The following USH2A variants were observed in gnomAD, a reference collection of about 807,000 sequenced individuals.
The protein encoded by USH2A is Usher syndrome 2A (autosomal recessive, mild).
In USH2A, 443 loss-of-function variants were observed where a neutral mutation model predicts 538.9. The ratio of observed to expected loss-of-function variants is 0.82; its 90% CI spans 0.76 to 0.89. The LOEUF (loss-of-function observed/expected upper bound fraction) is 0.89. Ranked by LOEUF, USH2A falls within the 40% of genes least tolerant of loss-of-function variation. The pLI is 0.00. For missense variants in USH2A, 6,633 were observed against 6,324.8 expected, an observed-to-expected ratio of 1.05 and a Z score of -1.65; for synonymous variants, 2,413 against 2,273.5, an observed-to-expected ratio of 1.06 and a Z score of -1.75.
intron 35 of USH2A, among the ~76,000 whole-genome samples, chr1:215,988,490 A>G (rs963543047): frequency 3.1e-4 from 47 of 152,192 alleles, no homozygotes; most frequent in African/African-American, 1.1e-3. Context: ...GCTGCAATGC[A>G]TCTTGTTTCC....
intron 21 of USH2A, among the ~76,000 whole-genome samples, chr1:216,110,149 T>A (rs2032832513): frequency 1.3e-5 from 2 of 152,056 alleles, no homozygotes; most frequent in African/African-American, 4.8e-5. Context: ...GAAAAGTCAA[T>A]CAAGTATCAT....
chr1:215,643,409 C>A (rs1447927262), intron 67 of USH2A, among the ~76,000 whole-genome samples: 1 of 152,074 alleles, frequency 6.6e-6, no homozygotes, highest in Non-Finnish European at 1.5e-5. Flanking sequence ...ATAGTCATTT[C>A]TTGTATTTTT....
chr1:216,161,424 C>T (rs1249245467), intron 21 of USH2A, among the ~76,000 whole-genome samples: 1 of 151,992 alleles, frequency 6.6e-6, no homozygotes, highest in African/African-American at 2.4e-5. Context: ...ATTATTAATT[C>T]TTCAACTTCC....
intron 40 of USH2A, among the ~76,000 whole-genome samples, chr1:215,894,753 C>G (rs2102465203): frequency 6.6e-6 from 1 of 152,240 alleles, no homozygotes; most frequent in East Asian, 1.9e-4. Context: ...TTACATTCAC[C>G]TCTTGTCCCC....
chr1:215,874,173 G>A (rs1664695424), intron 43 of USH2A, among the ~76,000 whole-genome samples: 1 of 152,140 alleles, frequency 6.6e-6, no homozygotes, highest in East Asian at 1.9e-4. Flanking sequence ...ATAACAGCAC[G>A]TTCGCCAGAT....
chr1:215,630,347 C>G, intron 70 of USH2A: 1 of 446,146 alleles, frequency 2.2e-6, no homozygotes, highest in South Asian at 1.6e-5. Context: ...TTATCATACC[C>G]ATATTTAATA....
At chr1:215,967,914 A>G (rs1667394199) in intron 36 of USH2A, among the ~76,000 whole-genome samples, 1 of 152,172 alleles carries the variant, frequency 6.6e-6, no homozygotes, top group Admixed American at 6.6e-5. Flanking sequence ...TCCCTGGAGA[A>G]TCGATCCAAT....
chr1:215,932,653 A>G (rs568972670), intron 38 of USH2A, among the ~76,000 whole-genome samples: 1 of 152,054 alleles, frequency 6.6e-6, no homozygotes, highest in Non-Finnish European at 1.5e-5. Flanking sequence ...GTCTTTGAAG[A>G]CATTTGCTTC....
At chr1:216,415,087 A>C (rs531957493) in intron 3 of USH2A, among the ~76,000 whole-genome samples, 12 of 152,236 alleles carry the variant, frequency 7.9e-5, no homozygotes, top group African/African-American at 2.9e-4. Context: ...GCATGGGAGA[A>C]GAGAAAAAAA....
intron 61 of USH2A, among the ~76,000 whole-genome samples, chr1:215,725,198 C>T (rs1413287707): frequency 6.6e-6 from 1 of 152,136 alleles, no homozygotes. Flanking sequence ...TTAGTACAGA[C>T]AAGGTTTCAC....
At chr1:215,769,921 G>T (rs1324730645) in intron 55 of USH2A, among the ~76,000 whole-genome samples, 2 of 152,154 alleles carry the variant, frequency 1.3e-5, no homozygotes, top group Non-Finnish European at 2.9e-5. Flanking sequence ...TAATTCATTG[G>T]CACTTTATCC....
chr1:216,039,787 A>G (rs775164256), intron 32 of USH2A, among the ~76,000 whole-genome samples: 2 of 151,906 alleles, frequency 1.3e-5, no homozygotes, highest in Non-Finnish European at 2.9e-5. Flanking sequence ...TAAGCAATAC[A>G]GCTTCTTCGT....
At chr1:215,786,227 A>G (rs1264824532) in intron 52 of USH2A, among the ~76,000 whole-genome samples, 2 of 152,188 alleles carry the variant, frequency 1.3e-5, no homozygotes, top group South Asian at 2.1e-4. Context: ...GAGAAATGTC[A>G]TGCTTGGGTT....
At chr1:215,761,476 T>C (rs1233999026) in intron 56 of USH2A, among the ~76,000 whole-genome samples, 2 of 152,194 alleles carry the variant, frequency 1.3e-5, no homozygotes, top group Non-Finnish European at 2.9e-5. Context: ...TTCTCTTACT[T>C]TGATGCAAAG....
In USH2A at chr1:216,046,486, T is replaced by C. The variant is rs56245532; in HGVS notation, c.6270A>G (p.Leu2090=). Residue 2090 remains leucine (L), a synonymous_variant, in exon 32 of 72, where the codon TTA becomes TTG. Coordinates refer to ENST00000307340, the MANE Select transcript of USH2A (RefSeq NM_206933.4). ...KANGIITQYC[L]YMDGRLIYSG... ...AATAGATCAGCCTCCCATCCATGTA[T>C]AAACAGTACTGAGTTATAATACCAT... 8,705 of 1,613,842 alleles carry C rather than the reference T, an allele frequency of 5.4e-3. 47 individuals are homozygous for C. Among genetic ancestry groups the C allele is most frequent in the Non-Finnish European group, 6.3e-3 (7,453 of 1,179,782 alleles).
chr1:215,859,070 C>G (rs1571754804), intron 44 of USH2A, among the ~76,000 whole-genome samples: 1 of 152,142 alleles, frequency 6.6e-6, no homozygotes, highest in East Asian at 1.9e-4. Flanking sequence ...GGGGGAGAGA[C>G]AGAGAGAAAG....
chr1:216,005,021 G>C (rs1272036580), intron 32 of USH2A, among the ~76,000 whole-genome samples: 1 of 152,118 alleles, frequency 6.6e-6, no homozygotes, highest in Non-Finnish European at 1.5e-5. Context: ...TGATTCTTCA[G>C]AGTAACACCC....
intron 13 of USH2A, 40 bp downstream of exon 13, chr1:216,246,545 T>C: frequency 1.2e-6 from 2 of 1,613,726 alleles, no homozygotes; most frequent in Non-Finnish European, 1.7e-6. Context: ...ACAAAAGGAA[T>C]GTCATTGTGC....
chr1:216,160,950 G>A (rs2034045888), intron 21 of USH2A, among the ~76,000 whole-genome samples: 1 of 151,976 alleles, frequency 6.6e-6, no homozygotes, highest in South Asian at 2.1e-4. Flanking sequence ...AGGATTATAT[G>A]TCCCTCTATT....
Sources: gnomAD v4.1 joint callset for allele counts (sites outside exome capture counted in the v4.1 genomes callset) on GRCh38, gnomAD v4.1.1 for gene constraint, MANE v1.5 for transcripts, NCBI Gene and HGNC (gene_info 2026-07-23, HGNC 2026-07-21) for gene names.